ZYG11B: variants seen among roughly 807,000 people sequenced by gnomAD.
The protein encoded by ZYG11B is zyg-11 family member B, cell cycle regulator.
A neutral mutation model predicts 82.4 loss-of-function variants in ZYG11B; 36 were observed. The ratio of observed to expected loss-of-function variants is 0.44; its 90% CI spans 0.33 to 0.58. The LOEUF is 0.58. ZYG11B is among the 20% of genes least tolerant of loss of function. The pLI is 0.02. For synonymous variants in ZYG11B, 303 were observed against 312.8 expected (o/e 0.97, Z 0.33); for missense variants, 552 against 895.6 (o/e 0.62, Z 4.90).
intron 3 of ZYG11B, among the ~76,000 whole-genome samples, chr1:52,777,021 C>A (rs2149942785): frequency 6.6e-6 from 1 of 152,020 alleles, no homozygotes; most frequent in South Asian, 2.1e-4. Context: ...ACCAGCCTGG[C>A]CAACATGACG....
At chr1:52,753,641 G>C (rs574618357) in intron 1 of ZYG11B, among the ~76,000 whole-genome samples, 24 of 151,916 alleles carry the variant, frequency 1.6e-4, no homozygotes, top group Non-Finnish European at 2.9e-4. Flanking sequence ...TTGTTGCCCA[G>C]GCCGGAGTGC....
intron 1 of ZYG11B, among the ~76,000 whole-genome samples, chr1:52,727,154 G>A (rs900719358): frequency 6.7e-6 from 1 of 149,096 alleles, no homozygotes; most frequent in Non-Finnish European, 1.5e-5. Flanking sequence ...TCTCCCCTTC[G>A]TCCTCTTCCA....
chr1:52,753,698 G>A (rs374801672), intron 1 of ZYG11B, among the ~76,000 whole-genome samples: 23 of 152,110 alleles, frequency 1.5e-4, no homozygotes, highest in African/African-American at 5.6e-4. Context: ...CCGGGTGCAA[G>A]CGATTCTCCT....
At chr1:52,773,659 T>C (rs1238690500) in intron 3 of ZYG11B, among the ~76,000 whole-genome samples, 1 of 103,090 alleles carries the variant, frequency 9.7e-6, no homozygotes, top group Non-Finnish European at 1.9e-5. Context: ...TTTTTTTTTT[T>C]TGAGATGGAG....
In ZYG11B at chr1:52,813,611, C is replaced by T; in HGVS notation, c.1771C>T (p.Leu591=). The T allele has an allele frequency of 6.2e-7, 1 of 1,613,780 alleles. No individual in the cohort carries two copies. The highest frequency in any genetic ancestry group is 8.5e-7 in the Non-Finnish European group (1 of 1,179,808). The stretch of plus-strand genomic sequence containing the variant: ...TTTTATAGACCACATCAGTAGTCTC[C>T]TACACAGTGTGGAAGTGGAAGTCAG... ...KDFIDHISSL[L]HSVEVEVSYF... Residue 591 remains leucine (L), a synonymous_variant, in exon 11 of 14, where the codon CTA becomes TTA. Coordinates refer to ENST00000294353, the MANE Select transcript of ZYG11B (RefSeq NM_024646.3).
chr1:52,774,609 ATTTTTTTTTTTTT>A (rs35043109), intron 3 of ZYG11B, among the ~76,000 whole-genome samples: 65 of 111,082 alleles, frequency 5.9e-4, no homozygotes, highest in Admixed American at 1.1e-3. Context: ...GCCTGGCCTA[ATTTTTTTTTTTTT>A]TTTTTTTTTT....
In ZYG11B at chr1:52,801,797, T is replaced by C. The variant is rs770479648; in HGVS notation, c.1486-22T>C. 23 of 1,564,308 alleles carry C rather than the reference T, an allele frequency of 1.5e-5. No individual in the cohort carries two copies. The South Asian group carries it at 1.9e-4, about 13-fold the overall frequency. On this transcript the variant is annotated intron_variant, in intron 8 of 13. Transcript: ENST00000294353. ...ATAACAGTTCAAAAGTGAAAACTTA[T>C]TTCTGTTTTTTTTTTTTTCAGCAAC...
chr1:52,785,093 T>G (rs1319326655), intron 5 of ZYG11B, 40 bp downstream of exon 5: 1 of 1,588,058 alleles, frequency 6.3e-7, no homozygotes, highest in Non-Finnish European at 8.6e-7. Context: ...GTCCTTGTAG[T>G]GTCTTCTACT....
At chr1:52,746,430 C>G (rs192552620) in intron 1 of ZYG11B, among the ~76,000 whole-genome samples, 64 of 152,068 alleles carry the variant, frequency 4.2e-4, no homozygotes, top group Admixed American at 3.9e-3. Context: ...AATTATTAAC[C>G]CTTTCTGTAT....
chr1:52,798,454 T>A (rs936304069), intron 8 of ZYG11B, among the ~76,000 whole-genome samples: 1 of 151,902 alleles, frequency 6.6e-6, no homozygotes, highest in Non-Finnish European at 1.5e-5. Flanking sequence ...ATACAAATAA[T>A]TTAAAAATTA....
chr1:52,771,044 G>C lies in ZYG11B; in HGVS notation c.221G>C (p.Gly74Ala). Reference sequence around the variant, plus strand: ...GGTCTATTGAATGATGGAACTGTGGGTATTTTTAGGGGCAACCAGATGCGC... The same window carrying C: ...GGTCTATTGAATGATGGAACTGTGGCTATTTTTAGGGGCAACCAGATGCGC... ...FHGLLNDGTV[G>A]IFRGNQMRLK... is the part of the protein sequence containing the mutation. The change falls in exon 3 of 14, where the codon GGT becomes GCT. Residue 74 changes from glycine to alanine, a missense_variant. Coordinates refer to ENST00000294353, the MANE Select transcript of ZYG11B (RefSeq NM_024646.3). The surrounding 1 kb of genome is among the most constrained non-coding windows in gnomAD (Gnocchi z 5.4). The C allele has an allele frequency of 6.2e-7, 1 of 1,612,902 alleles. No homozygotes were observed. Among genetic ancestry groups the C allele is most frequent in the Non-Finnish European group, 8.5e-7 (1 of 1,179,126 alleles).
chr1:52,743,819 TTC>T (rs1644454429), intron 1 of ZYG11B, among the ~76,000 whole-genome samples: 1 of 152,180 alleles, frequency 6.6e-6, no homozygotes, highest in African/African-American at 2.4e-5. Context: ...CTATCACTGA[TTC>T]AACTGATATA....
At chr1:52,763,838 G>A (rs1190616594) in intron 2 of ZYG11B, among the ~76,000 whole-genome samples, 1 of 152,134 alleles carries the variant, frequency 6.6e-6, no homozygotes, top group African/African-American at 2.4e-5. Flanking sequence ...TATAAATCTT[G>A]ACATGTTCAG....
chr1:52,760,330 G>A (rs1488099066), intron 2 of ZYG11B, among the ~76,000 whole-genome samples: 2 of 152,106 alleles, frequency 1.3e-5, no homozygotes, highest in South Asian at 2.1e-4. Flanking sequence ...TGTAATCCCA[G>A]CTACTGAGGA....
At chr1:52,812,119 A>G (rs1222077463) in intron 10 of ZYG11B, among the ~76,000 whole-genome samples, 1 of 151,902 alleles carries the variant, frequency 6.6e-6, no homozygotes, top group Non-Finnish European at 1.5e-5. Flanking sequence ...TATTTATAAT[A>G]GCTGCTTTAA....
chr1:52,772,600 G>A, intron 3 of ZYG11B: 1 of 1,408,858 alleles, frequency 7.1e-7, no homozygotes, highest in Non-Finnish European at 1.0e-6. Context: ...CGTCGATAGG[G>A]TAAAGCCGAC....
chr1:52,797,443 TA>T (rs1234148079), intron 8 of ZYG11B, among the ~76,000 whole-genome samples: 2 of 108,690 alleles, frequency 1.8e-5, no homozygotes, highest in African/African-American at 7.2e-5. Context: ...ATAACATATA[TA>T]TTATATATCA....
chr1:52,795,809 A>G (rs1645001909), intron 6 of ZYG11B, among the ~76,000 whole-genome samples: 1 of 152,124 alleles, frequency 6.6e-6, no homozygotes, highest in Non-Finnish European at 1.5e-5. Flanking sequence ...CTTCCTCACT[A>G]GAATGTAAGC....
rs1416458013 is a variant in ZYG11B, at chr1:52,813,705, G to A, written c.1865G>A (p.Ser622Asn). Residue 622 changes from serine (S) to asparagine (N), a missense_variant, in exon 11 of 14, where the codon AGC (serine) becomes AAC (asparagine). Physicochemically the swap from Ser to Asn is conservative, Grantham distance 46 (BLOSUM62 1). Around this residue, in one of 3 missense-constraint regions of ZYG11B, gnomAD observed 127 missense variants for 163.4 expected, o/e 0.78. Transcript: ENST00000294353. ...RGEQAWTLSR[S>N]QRNSLLDDLH... ...GAACAAGCTTGGACATTGAGTCGTA[G>A]CCAGAGGAATTCTCTGCTGGATGAT... 4.3e-6 allele frequency: 7 copies of A among 1,614,016 alleles called. No homozygotes were observed. The highest frequency in any genetic ancestry group is 5.9e-6 in the Non-Finnish European group (7 of 1,180,038).
Sources: allele counts gnomAD v4.1 joint callset (sites outside exome capture counted in the v4.1 genomes callset), GRCh38; gene constraint gnomAD v4.1.1; regional missense constraint gnomAD v4.1.1; non-coding constraint Gnocchi (gnomAD v3.1); transcripts MANE v1.5; gene names NCBI Gene and HGNC (gene_info 2026-07-23, HGNC 2026-07-21).